Variants in SMARCA2 observed in about 807,000 individuals in gnomAD.
SMARCA2 encodes SWI/SNF-related matrix-associated actin-dependent regulator of chromatin subfamily A member 2.
SMARCA2 carries 61 observed loss-of-function variants against 199.8 expected under a neutral mutation model. The ratio of observed to expected loss-of-function variants is 0.31; its 90% CI spans 0.25 to 0.38. The LOEUF (loss-of-function observed/expected upper bound fraction) is 0.38, where lower values mean the gene tolerates loss of function less well. Among genes scored for constraint, SMARCA2 ranks in the 10% least tolerant of loss-of-function variants. SMARCA2 has a pLI of 1.00. For synonymous variants in SMARCA2, 935 were observed against 732.0 expected, an observed-to-expected ratio of 1.28 and a Z score of -4.48; for missense variants, 1,344 against 2,012.2, an observed-to-expected ratio of 0.67 and a Z score of 6.35.
intron 29 of SMARCA2, among the ~76,000 whole-genome samples, chr9:2,176,203 T>TTTTTTTA (rs57519167): frequency 6.9e-6 from 1 of 145,790 alleles, no homozygotes; most frequent in African/African-American, 2.6e-5. Flanking sequence ...TTTTTTTTTT[T>TTTTTTTA]ATAATGACGT....
At position 2,060,971 on chromosome 9, in the gene SMARCA2, G is replaced by A. The variant is rs1247149745; in HGVS notation, c.1677G>A (p.Arg559=). 3 of 1,613,738 alleles carry A rather than the reference G, an allele frequency of 1.9e-6. No homozygotes were observed. Among genetic ancestry groups the A allele is most frequent in the Non-Finnish European group, 2.5e-6 (3 of 1,179,884 alleles). The change falls in exon 9 of 34, where the codon AGG becomes AGA. Residue 559 remains arginine, a synonymous_variant. Coordinates refer to ENST00000349721, the MANE Select transcript of SMARCA2 (RefSeq NM_003070.5). Reference sequence around the variant, plus strand: ...AGGCAGCCAAAGAGAAGAAGAAGAGGAGGAGGAGGAAGAAGGTGCGTATCC... The same window carrying A: ...AGGCAGCCAAAGAGAAGAAGAAGAGAAGGAGGAGGAAGAAGGTGCGTATCC... ...QAQAAKEKKK[R]RRRKKKAEEN...
intron 29 of SMARCA2, among the ~76,000 whole-genome samples, chr9:2,179,680 TAAAATTAA>T (rs1399890825): frequency 6.6e-6 from 1 of 152,136 alleles, no homozygotes; most frequent in Non-Finnish European, 1.5e-5. Context: ...GTAGCACAGT[TAAAATTAA>T]GAGTGTGTCC....
At chr9:2,107,387 G>T (rs558080710) in intron 23 of SMARCA2, among the ~76,000 whole-genome samples, 46 of 152,184 alleles carry the variant, frequency 3.0e-4, no homozygotes, top group African/African-American at 7.9e-4. Flanking sequence ...AGTGCATCTC[G>T]GCTCCCTGCA....
chr9:2,034,357 G>A (rs1819223899), intron 3 of SMARCA2, among the ~76,000 whole-genome samples: 1 of 151,892 alleles, frequency 6.6e-6, no homozygotes, highest in African/African-American at 2.4e-5. Flanking sequence ...TCACAACAAT[G>A]GCTAAATCAG....
At position 2,149,122 on chromosome 9, in the gene SMARCA2, G is replaced by C. The variant is rs191807731; in HGVS notation, c.3982-12564G>C. ...CTGGGAAGAAAAGGAGGTTTAATTG[G>C]ACTTACAGTTCCACATGGCTGGGGA... On this transcript the variant is annotated intron_variant, in intron 27 of 33. Transcript: ENST00000349721. Among the ~76,000 whole-genome samples, 68 of 151,170 alleles carry C rather than the reference G, an allele frequency of 4.5e-4. 2 individuals are homozygous for C. The highest frequency in any genetic ancestry group is 3.4e-3 in the Middle Eastern group (1 of 294).
chr9:2,150,614 A>C (rs77559848), intron 27 of SMARCA2, among the ~76,000 whole-genome samples: 4,687 of 151,700 alleles, frequency 0.031, 209 homozygotes, highest in Middle Eastern at 0.044. Flanking sequence ...GCACCATTCC[A>C]TATGTACACA....
chr9:2,120,000 A>T lies in SMARCA2; in HGVS notation c.3762+465A>T, dbSNP rs1823384864. Among the ~76,000 whole-genome samples the T allele has an allele frequency of 6.6e-6, 1 of 152,210 alleles. No homozygotes were observed. Among genetic ancestry groups the T allele is most frequent in the Non-Finnish European group, 1.5e-5 (1 of 68,038 alleles). On this transcript the variant is annotated intron_variant, in intron 26 of 33. Transcript: ENST00000349721. This position sits in a 1 kb window ranked among gnomAD's most constrained non-coding sequence, Gnocchi z 4.6. The stretch of plus-strand genomic sequence containing the variant: ...GAACTTACAACAGTGCCCTTACAGG[A>T]TCAAAGCAACATGCTCCTTAGGGAG...
intron 3 of SMARCA2, among the ~76,000 whole-genome samples, chr9:2,033,886 C>T (rs1332606833): frequency 6.6e-6 from 1 of 152,036 alleles, no homozygotes; most frequent in African/African-American, 2.4e-5. Flanking sequence ...TTTATGGGGG[C>T]CATTCATTGG....
intron 31 of SMARCA2, 130 bp from the exon 32 acceptor site, chr9:2,185,966 G>A (rs1227477946): frequency 1.2e-6 from 1 of 856,682 alleles, no homozygotes; most frequent in Non-Finnish European, 1.8e-6. Flanking sequence ...GTTTTCATGT[G>A]GGCATAAAAG....
At chr9:2,058,261 A>G (rs371154234) in intron 7 of SMARCA2, 30 bp from the exon 8 acceptor site, 18 of 1,598,310 alleles carry the variant, frequency 1.1e-5, no homozygotes, top group Non-Finnish European at 1.5e-5. Flanking sequence ...GATTTTAAGT[A>G]TCCTTTTCTT....
chr9:2,041,598 A>G, intron 4 of SMARCA2: 1 of 392,626 alleles, frequency 2.5e-6, no homozygotes, highest in Non-Finnish European at 4.5e-6. Context: ...TGAGGGGACC[A>G]TAAACTTTCA....
chr9:2,140,671 T>C (rs1824417888), intron 27 of SMARCA2, among the ~76,000 whole-genome samples: 2 of 152,200 alleles, frequency 1.3e-5, no homozygotes, highest in Non-Finnish European at 2.9e-5. Flanking sequence ...TATAATCTCA[T>C]TGACCTTCAG....
Position 2,028,968 on chromosome 9 carries a change from T to C in SMARCA2, c.-36-19T>C. On this transcript the variant is annotated intron_variant, in intron 1 of 33. Coordinates refer to ENST00000349721, the MANE Select transcript of SMARCA2 (RefSeq NM_003070.5). ...TCATGTTTAAAACATGCCTTCCTTT[T>C]TTCTGCTTTTCAACTTAGCATTACT... The C allele has an allele frequency of 6.5e-7, 1 of 1,533,314 alleles. No homozygotes were observed. The highest frequency in any genetic ancestry group is 8.8e-7 in the Non-Finnish European group (1 of 1,141,458). 95.0% of individuals were successfully genotyped at this position (1,533,314 alleles called of 1,614,324 possible). A position where few individuals can be genotyped will look rare whatever the true frequency, so the allele number is the denominator to read the frequency against.
rs375637363 is a variant in SMARCA2, at chr9:2,054,690, A to G, written c.1140A>G (p.Leu380=). 3.2e-5 allele frequency: 52 copies of G among 1,614,008 alleles called. No homozygotes were observed. The highest frequency in any genetic ancestry group is 3.8e-5 in the Non-Finnish European group (45 of 1,179,992). Reference sequence around the variant, plus strand: ...TAAGAACCAAAGCAACCGTGGAACTAAAAGCACTTCGGTTACTCAATTTCC... The same window carrying G: ...TAAGAACCAAAGCAACCGTGGAACTGAAAGCACTTCGGTTACTCAATTTCC... ...PDLRTKATVE[L]KALRLLNFQR... The change falls in exon 6 of 34, where the codon CTA becomes CTG. Residue 380 remains leucine, a synonymous_variant. Transcript: ENST00000349721.
At chr9:2,143,614 C>G (rs1225841731) in intron 27 of SMARCA2, among the ~76,000 whole-genome samples, 1 of 152,100 alleles carries the variant, frequency 6.6e-6, no homozygotes, top group South Asian at 2.1e-4. Flanking sequence ...CAGAGGTAAA[C>G]TATATGATGA....
chr9:2,173,121 T>C (rs1476207555), intron 29 of SMARCA2, among the ~76,000 whole-genome samples: 1 of 152,158 alleles, frequency 6.6e-6, no homozygotes, highest in East Asian at 1.9e-4. Flanking sequence ...GAGTGATCAG[T>C]GAACAGCGGT....
chr9:2,054,051 C>T (rs1487933621), intron 5 of SMARCA2, among the ~76,000 whole-genome samples: 2 of 152,166 alleles, frequency 1.3e-5, no homozygotes, highest in Non-Finnish European at 2.9e-5. Flanking sequence ...GCTGGCAGAG[C>T]GCTTTCTGAA....
chr9:2,023,924 C>T (rs916554699), intron 1 of SMARCA2, among the ~76,000 whole-genome samples: 16 of 152,208 alleles, frequency 1.1e-4, no homozygotes, highest in African/African-American at 3.6e-4. Context: ...CTGAACCTTG[C>T]AGTTCTCCTG....
At position 2,056,354 on chromosome 9, in the gene SMARCA2, T is replaced by C. The variant is rs1333330159; in HGVS notation, c.1174-318T>C. Among the ~76,000 whole-genome samples, 4 of 152,232 alleles carry C rather than the reference T, an allele frequency of 2.6e-5. No homozygotes were observed. The South Asian group carries it at 6.2e-4, about 24-fold the overall frequency. ...AATTTAAAAAGCTTATTTAGCTAAT[T>C]GGTATCATTAGAATAATTAGAGAAA... On this transcript the variant is annotated intron_variant, in intron 6 of 33. Coordinates refer to ENST00000349721, the MANE Select transcript of SMARCA2 (RefSeq NM_003070.5). The surrounding 1 kb of genome is among the most constrained non-coding windows in gnomAD (Gnocchi z 4.0).
Sources: gnomAD v4.1 joint callset for allele counts (sites outside exome capture counted in the v4.1 genomes callset) on GRCh38, gnomAD v4.1.1 for gene constraint, Gnocchi (gnomAD v3.1) non-coding constraint, MANE v1.5 for transcripts, NCBI Gene and HGNC (gene_info 2026-07-23, HGNC 2026-07-21) for gene names.